Variants in ZNF346 observed in about 807,000 individuals in gnomAD.
ZNF346 encodes the protein zinc finger protein 346.
ZNF346 carries 23 observed loss-of-function variants against 33.7 expected under a neutral mutation model. That is an observed-to-expected ratio of 0.68 (90% CI 0.49 to 0.97). ZNF346 has a LOEUF of 0.97. Among genes scored for constraint, ZNF346 ranks in the 50% least tolerant of loss-of-function variants. ZNF346 has a pLI of 0.00. For synonymous variants in ZNF346, 134 were observed against 142.4 expected, an observed-to-expected ratio of 0.94 and a Z score of 0.42; for missense variants, 340 against 371.1, an observed-to-expected ratio of 0.92 and a Z score of 0.69.
intron 5 of ZNF346, 110 bp from the exon 6 acceptor site, chr5:177,061,948 C>T (rs1037303404): frequency 1.1e-6 from 1 of 901,342 alleles, no homozygotes; most frequent in Admixed American, 2.1e-5. Context: ...AGCAACCTCA[C>T]CTCGCCTCAC....
chr5:177,033,577 G>A (rs60727311), intron 1 of ZNF346, among the ~76,000 whole-genome samples: 20,016 of 152,120 alleles, frequency 0.13, 3,107 homozygotes, highest in African/African-American at 0.37. Context: ...AGGCTGGAGT[G>A]CAGTGGCATG....
chr5:177,023,028 G>A, intron 1 of ZNF346, 115 bp downstream of exon 1: 5 of 1,434,746 alleles, frequency 3.5e-6, no homozygotes, highest in East Asian at 2.5e-5. Context: ...GCTGCGCCCC[G>A]GGACCCCCAG....
intron 1 of ZNF346, 51 bp downstream of exon 1, chr5:177,022,964 G>C (rs958909816): frequency 2.3e-5 from 33 of 1,441,408 alleles, no homozygotes; most frequent in Non-Finnish European, 2.6e-5. Context: ...TGCGCGGCTC[G>C]CGGGGAACTG....
intron 5 of ZNF346, among the ~76,000 whole-genome samples, chr5:177,054,399 T>G (rs746108709): frequency 6.6e-6 from 1 of 150,558 alleles, no homozygotes; most frequent in Non-Finnish European, 1.5e-5. Context: ...TTATTTATTT[T>G]TTTATTTTGT....
At chr5:177,050,230 G>A (rs907318045) in intron 4 of ZNF346, among the ~76,000 whole-genome samples, 5 of 152,162 alleles carry the variant, frequency 3.3e-5, no homozygotes, top group Admixed American at 6.5e-5. Flanking sequence ...GAATGACCTT[G>A]TATGAGCTCC....
intron 1 of ZNF346, among the ~76,000 whole-genome samples, chr5:177,026,294 C>T (rs1156374082): frequency 6.6e-6 from 1 of 151,856 alleles, no homozygotes; most frequent in African/African-American, 2.4e-5. Flanking sequence ...CGTGAGCTAC[C>T]ATGCCCAGCC....
chr5:177,044,435 A>G lies in ZNF346; in HGVS notation c.419A>G (p.Asn140Ser). ...KDKNQCCPIC[N>S]MTFSSPVVAQ... Reference sequence around the variant, plus strand: ...AAGAACCAGTGCTGCCCCATCTGTAACATGACCTTTTCCTCCCCTGTCGTG... The same window carrying G: ...AAGAACCAGTGCTGCCCCATCTGTAGCATGACCTTTTCCTCCCCTGTCGTG... The change falls in exon 4 of 7, where the codon AAC becomes AGC. Residue 140 changes from asparagine (N) to serine (S), a missense_variant. By Grantham distance (46) the Asn-to-Ser change is conservative (BLOSUM62 1). Transcript: ENST00000358149. The G allele has an allele frequency of 6.2e-7, 1 of 1,614,136 alleles. No individual in the cohort carries two copies. Among genetic ancestry groups the G allele is most frequent in the Non-Finnish European group, 8.5e-7 (1 of 1,180,026 alleles).
chr5:177,022,975 C>T, intron 1 of ZNF346, 62 bp downstream of exon 1: 2 of 1,439,776 alleles, frequency 1.4e-6, no homozygotes, highest in Non-Finnish European at 1.8e-6. Context: ...CGGGGAACTG[C>T]GGAAGCGCCG....
At chr5:177,034,507 A>G (rs1161611676) in intron 1 of ZNF346, among the ~76,000 whole-genome samples, 4 of 152,132 alleles carry the variant, frequency 2.6e-5, no homozygotes, top group African/African-American at 4.8e-5. Flanking sequence ...GATTATAGGC[A>G]TGAACCATCA....
intron 5 of ZNF346, 70 bp downstream of exon 5, chr5:177,051,006 C>CGTTG: frequency 7.9e-7 from 1 of 1,264,698 alleles, no homozygotes; most frequent in South Asian, 1.2e-5. Flanking sequence ...GACCAGCTGA[C>CGTTG]GTTGTGCTTT....
At chr5:177,028,449 G>A (rs1285723606) in intron 1 of ZNF346, among the ~76,000 whole-genome samples, 1 of 138,204 alleles carries the variant, frequency 7.2e-6, no homozygotes, top group African/African-American at 2.8e-5. Flanking sequence ...CTTTTCTGAT[G>A]TAGATGTTTA....
chr5:177,054,760 G>A (rs917171072), intron 5 of ZNF346, among the ~76,000 whole-genome samples: 1 of 152,100 alleles, frequency 6.6e-6, no homozygotes, highest in Admixed American at 6.6e-5. Context: ...ACCATAGAAA[G>A]CAAATCTGCA....
rs554619519 is a variant in ZNF346, at chr5:177,037,112, G to T, written c.176-4014G>T. 3.2e-3 allele frequency among the ~76,000 whole-genome samples: 490 copies of T among 152,320 alleles called. 2 individuals carry two copies. The highest frequency in any genetic ancestry group is 5.9e-3 in the Non-Finnish European group (404 of 68,030). ...GGTTTTGTCAGTTTTGTCCGGTTTT[G>T]TCAGTTTTGTCCTGTTTTATTGTTG... is the stretch of plus-strand genomic sequence containing the variant. On this transcript the variant is annotated intron_variant, in intron 1 of 6. Transcript: ENST00000358149.
chr5:177,043,964 T>G (rs1439436340), intron 3 of ZNF346, among the ~76,000 whole-genome samples: 1 of 152,148 alleles, frequency 6.6e-6, no homozygotes, highest in South Asian at 2.1e-4. Context: ...CAGAGGTCTA[T>G]TTAATGTACT....
At position 177,051,047 on chromosome 5, in the gene ZNF346, G is replaced by A. The variant is rs574989039; in HGVS notation, c.703+111G>A. The A allele has an allele frequency of 5.2e-5, 39 of 748,338 alleles. 1 individual carries two copies. In the South Asian group the frequency reaches 5.7e-4, roughly 11 times the overall value. 46.4% of individuals were successfully genotyped at this position (748,338 alleles called of 1,614,324 possible). ...CTTAGGTCTTGTAAGTAGGGTTTGC[G>A]AACTCAGATGGCTACAGAAGCCAGA... On this transcript the variant is annotated intron_variant, in intron 5 of 6. Coordinates refer to ENST00000358149, the MANE Select transcript of ZNF346 (RefSeq NM_012279.4).
intron 4 of ZNF346, among the ~76,000 whole-genome samples, chr5:177,045,691 A>G (rs1313834622): frequency 1.3e-5 from 2 of 152,008 alleles, no homozygotes; most frequent in Middle Eastern, 3.4e-3. Flanking sequence ...GCTTCTCACT[A>G]TATTGCTCAG....
intron 1 of ZNF346, among the ~76,000 whole-genome samples, chr5:177,032,284 G>A (rs1036851456): frequency 1.3e-5 from 2 of 151,940 alleles, no homozygotes; most frequent in South Asian, 2.1e-4. Context: ...GATTACAGGC[G>A]TGAGCCACTG....
chr5:177,047,032 T>A (rs60400817), intron 4 of ZNF346, among the ~76,000 whole-genome samples: 14,246 of 67,582 alleles, frequency 0.21, 1,384 homozygotes, highest in African/African-American at 0.5. Flanking sequence ...TTATTTATTT[T>A]TATTTATTTA....
intron 5 of ZNF346, chr5:177,052,414 C>G (rs1781076119): frequency 1.3e-5 from 2 of 151,384 alleles, no homozygotes; most frequent in African/African-American, 4.9e-5. Context: ...AACTCCTGAC[C>G]TCAAGTGATC....
Sources: gnomAD v4.1 joint callset for allele counts (sites outside exome capture counted in the v4.1 genomes callset) on GRCh38, gnomAD v4.1.1 for gene constraint, MANE v1.5 for transcripts, NCBI Gene and HGNC (gene_info 2026-07-23, HGNC 2026-07-21) for gene names.